Variants in CHRNG observed in about 807,000 individuals in gnomAD.
CHRNG encodes acetylcholine receptor subunit gamma.
CHRNG carries 72 observed loss-of-function variants against 65.2 expected under a neutral mutation model. That is an observed-to-expected ratio of 1.10 (90% CI 0.91 to 1.34). The LOEUF (loss-of-function observed/expected upper bound fraction) is 1.34, where lower values mean the gene tolerates loss of function less well. CHRNG is among the 40% of genes most tolerant of loss of function. CHRNG has a pLI of 0.00. For synonymous variants in CHRNG, 284 were observed against 290.2 expected, an observed-to-expected ratio of 0.98 and a Z score of 0.22; for missense variants, 637 against 680.1, an observed-to-expected ratio of 0.94 and a Z score of 0.70.
rs2106220017 is a variant in CHRNG, at chr2:232,540,365, A to G, written c.196-16A>G. The G allele has an allele frequency of 6.2e-7, 1 of 1,613,642 alleles. No individual in the cohort carries two copies. The highest frequency in any genetic ancestry group is 1.1e-5 in the South Asian group (1 of 91,052). On this transcript the variant is annotated splice_polypyrimidine_tract_variant and intron_variant, in intron 2 of 11. Transcript: ENST00000651502. This position sits in a 1 kb window ranked among gnomAD's most constrained non-coding sequence, Gnocchi z 4.2. ...TCGGGGGCTGAGCCCTCCATACTACACCCTTGCACCCCCAGAACGAGCGAG... is the reference window on the plus strand; with the variant it reads ...TCGGGGGCTGAGCCCTCCATACTACGCCCTTGCACCCCCAGAACGAGCGAG...
Position 232,546,060 on chromosome 2 carries a change from T to C in CHRNG, c.*344T>C. On this transcript the variant is annotated 3_prime_UTR_variant, in exon 12 of 12. Transcript: ENST00000651502. ...AAGCCCGAAGGACTGTTTTGTATAATACCTTCGGACTTGGGACTGGCTCCC... is the reference window on the plus strand; with the variant it reads ...AAGCCCGAAGGACTGTTTTGTATAACACCTTCGGACTTGGGACTGGCTCCC... 1 of 393,400 alleles carries C rather than the reference T, an allele frequency of 2.5e-6. No homozygotes were observed. Among genetic ancestry groups the C allele is most frequent in the Non-Finnish European group, 4.9e-6 (1 of 205,716 alleles). 24.4% of individuals were successfully genotyped at this position (393,400 alleles called of 1,614,324 possible).
intron 6 of CHRNG, 143 bp downstream of exon 6, chr2:232,542,663 A>G: frequency 1.3e-6 from 1 of 742,112 alleles, no homozygotes; most frequent in East Asian, 2.7e-5. Context: ...ATGCTTTTTA[A>G]AACGTCCAAC....
chr2:232,541,222 T>C lies in CHRNG; in HGVS notation c.351-152T>C, dbSNP rs1215511102. The stretch of plus-strand genomic sequence containing the variant: ...CAGGAGGATTGCTGGGGGGACCTAG[T>C]GGTCCGGGTGGGAACCAGTCAGGGG... On this transcript the variant is annotated intron_variant, in intron 4 of 11. Transcript: ENST00000651502. This position sits in a 1 kb window ranked among gnomAD's most constrained non-coding sequence, Gnocchi z 4.0. The C allele has an allele frequency of 1.1e-6, 1 of 874,378 alleles. No individual in the cohort carries two copies. Among genetic ancestry groups the C allele is most frequent in the Non-Finnish European group, 1.8e-6 (1 of 546,268 alleles). 54.2% of individuals were successfully genotyped at this position (874,378 alleles called of 1,614,324 possible).
intron 9 of CHRNG, 103 bp from the exon 10 acceptor site, chr2:232,544,264 A>G: frequency 1.1e-6 from 1 of 892,746 alleles, no homozygotes; most frequent in South Asian, 1.3e-5. Context: ...CTGCCCCGGT[A>G]TGCTGCCTCC....
Position 232,541,593 on chromosome 2 carries a change from G to A in CHRNG, c.506+64G>A. 6.3e-7 allele frequency: 1 copy of A among 1,590,900 alleles called. No homozygotes were observed. The highest frequency in any genetic ancestry group is 1.3e-5 in the African/African-American group (1 of 74,752). On this transcript the variant is annotated intron_variant, in intron 5 of 11. Transcript: ENST00000651502. The surrounding 1 kb of genome is among the most constrained non-coding windows in gnomAD (Gnocchi z 4.0). The stretch of plus-strand genomic sequence containing the variant: ...TCAGAGGGGCCTGGGCAGTGGTGGG[G>A]TAAGGCCTGGGCAAGGCTTCTGGCC...
rs1165731321 is a variant in CHRNG at position 232,540,204 on chromosome 2, C to T, written c.195+73C>T. Reference sequence around the variant, plus strand: ...TGCTGGGGATAGCATGGGGTGGCTCCAGCCACCAAGAGGTTGGAGGGCCCT... The same window carrying T: ...TGCTGGGGATAGCATGGGGTGGCTCTAGCCACCAAGAGGTTGGAGGGCCCT... On this transcript the variant is annotated intron_variant, in intron 2 of 11. Coordinates refer to ENST00000651502, the MANE Select transcript of CHRNG (RefSeq NM_005199.5). This position sits in a 1 kb window ranked among gnomAD's most constrained non-coding sequence, Gnocchi z 4.2. 5.6e-6 allele frequency: 9 copies of T among 1,611,958 alleles called. No individual in the cohort carries two copies. The highest frequency in any genetic ancestry group is 7.6e-6 in the Non-Finnish European group (9 of 1,178,432).
rs776450073 is a variant in CHRNG at position 232,543,085 on chromosome 2, A to G, written c.805+3A>G. 1 of 1,613,928 alleles carries G rather than the reference A, an allele frequency of 6.2e-7. No individual in the cohort carries two copies. Among genetic ancestry groups the G allele is most frequent in the Non-Finnish European group, 8.5e-7 (1 of 1,179,832 alleles). On this transcript the variant is annotated splice_donor_region_variant and intron_variant, in intron 7 of 11. Coordinates refer to ENST00000651502, the MANE Select transcript of CHRNG (RefSeq NM_005199.5). ...CATCCACTTCCTTCCTGCCAAGGGT[A>G]CCTGGAGCCTATGGGAAGGAGCCAT...
rs1264374532 is a variant in CHRNG at position 232,540,839 on chromosome 2, G to C, written c.350+128G>C. On this transcript the variant is annotated intron_variant, in intron 4 of 11. Coordinates refer to ENST00000651502, the MANE Select transcript of CHRNG (RefSeq NM_005199.5). This position sits in a 1 kb window ranked among gnomAD's most constrained non-coding sequence, Gnocchi z 4.2. ...CAAATCGGGCACCTGTGGGGCTAGG[G>C]AAGAACTGGATGGAGCAGGTGCCGA... The C allele has an allele frequency of 2.3e-6, 2 of 871,632 alleles. No individual in the cohort carries two copies. The highest frequency in any genetic ancestry group is 3.3e-5 in the African/African-American group (2 of 60,350). 54.0% of individuals were successfully genotyped at this position (871,632 alleles called of 1,614,324 possible). A position where few individuals can be genotyped will look rare whatever the true frequency, so the allele number is the denominator to read the frequency against.
Position 232,543,288 on chromosome 2 carries a change from G to A in CHRNG, c.819G>A (p.Lys273=), listed in dbSNP as rs763707620. Residue 273 remains lysine (K), a synonymous_variant, in exon 8 of 12, where the codon AAG becomes AAA. Transcript: ENST00000651502. ...GGTCATGGATAGCTGGGGGCCAGAAGTGTACCGTCGCCATCAACGTGCTCC... is the reference window on the plus strand; with the variant it reads ...GGTCATGGATAGCTGGGGGCCAGAAATGTACCGTCGCCATCAACGTGCTCC... ...HFLPAKAGGQ[K]CTVAINVLLA... 9 of 1,613,912 alleles carry A rather than the reference G, an allele frequency of 5.6e-6. No individual in the cohort carries two copies. The Admixed American group carries it at 8.3e-5, about 15-fold the overall frequency.
rs907928384 is a variant in CHRNG, at chr2:232,542,692, A to G, written c.604+172A>G. ...GTCCAACAAAGCTCTGACTTTCCTCATGATAATGTCTCCAATTTTAGAAGA... is the reference window on the plus strand; with the variant it reads ...GTCCAACAAAGCTCTGACTTTCCTCGTGATAATGTCTCCAATTTTAGAAGA... On this transcript the variant is annotated intron_variant, in intron 6 of 11. Transcript: ENST00000651502. Among the ~76,000 whole-genome samples the G allele has an allele frequency of 9.9e-5, 15 of 152,062 alleles. 1 individual carries two copies. Among genetic ancestry groups the G allele is most frequent in the African/African-American group, 3.6e-4 (15 of 41,310 alleles).
chr2:232,541,381 G>A lies in CHRNG; in HGVS notation c.358G>A (p.Gly120Ser), dbSNP rs755562229. 1.3e-5 allele frequency: 21 copies of A among 1,613,948 alleles called. No homozygotes were observed. Among genetic ancestry groups the A allele is most frequent in the African/African-American group, 5.3e-5 (4 of 74,892 alleles). The change falls in exon 5 of 12, where the codon GGT becomes AGT. Residue 120 changes from glycine (G) to serine (S), a missense_variant. Physicochemically the swap from Gly to Ser is moderately conservative, Grantham distance 56. Transcript: ENST00000651502. The surrounding 1 kb of genome is among the most constrained non-coding windows in gnomAD (Gnocchi z 4.0). The stretch of plus-strand genomic sequence containing the variant: ...CCTGTTCTGTGCATACAGCGTGGAC[G>A]GTGTCTTCGAGGTGGCCCTCTACTG... ...PDIVLENNVD[G>S]VFEVALYCNV...
In CHRNG at chr2:232,543,159, G is replaced by T; in HGVS notation, c.805+77G>T. The T allele has an allele frequency of 4.5e-6, 7 of 1,540,254 alleles. No homozygotes were observed. The South Asian group carries it at 5.6e-5, about 12-fold the overall frequency. Reference sequence around the variant, plus strand: ...GAGGCCGGGGTGGGCCCTGCCTGGGGAACAGAGTGGCATTACGACCCAGGA... The same window carrying T: ...GAGGCCGGGGTGGGCCCTGCCTGGGTAACAGAGTGGCATTACGACCCAGGA... On this transcript the variant is annotated intron_variant, in intron 7 of 11. Transcript: ENST00000651502.
intron 11 of CHRNG, 90 bp from the exon 12 acceptor site, chr2:232,545,453 T>C (rs1475108310): frequency 8.4e-7 from 1 of 1,183,966 alleles, no homozygotes; most frequent in African/African-American, 1.5e-5. Context: ...AATGGAGACA[T>C]GGGCCTGCTG....
chr2:232,544,556 G>A lies in CHRNG; in HGVS notation c.1225G>A (p.Val409Met), dbSNP rs1418092198. The change falls in exon 10 of 12, where the codon GTG (valine) becomes ATG (methionine). Residue 409 changes from valine (V) to methionine (M), a missense_variant. Val to Met is a conservative substitution (Grantham distance 21). Coordinates refer to ENST00000651502, the MANE Select transcript of CHRNG (RefSeq NM_005199.5). ...LFQQWQRQGL[V>M]AAALEKLEKG... Reference sequence around the variant, plus strand: ...CCAGCAGTGGCAGCGGCAAGGGCTGGTGGCGGCAGCGCTGGAGAAGCTAGG... The same window carrying A: ...CCAGCAGTGGCAGCGGCAAGGGCTGATGGCGGCAGCGCTGGAGAAGCTAGG... 4 of 1,613,526 alleles carry A rather than the reference G, an allele frequency of 2.5e-6. No individual in the cohort carries two copies. The Admixed American group carries it at 6.7e-5, about 27-fold the overall frequency.
rs1400497098 is a variant in CHRNG at position 232,540,596 on chromosome 2, CT to C, written c.241-5del. The C allele has an allele frequency of 2.5e-6, 4 of 1,610,616 alleles. No individual in the cohort carries two copies. Among genetic ancestry groups the C allele is most frequent in the South Asian group, 2.2e-5 (2 of 91,000 alleles). On this transcript the variant is annotated splice_region_variant and splice_polypyrimidine_tract_variant and intron_variant, in intron 3 of 11. Coordinates refer to ENST00000651502, the MANE Select transcript of CHRNG (RefSeq NM_005199.5). This position sits in a 1 kb window ranked among gnomAD's most constrained non-coding sequence, Gnocchi z 4.2. The stretch of plus-strand genomic sequence containing the variant: ...AGAGGCCTAGCAACTGCCCCTCCCC[CT>C]GCAGCAGTGGTGCGACTATCGCCTG...
At chr2:232,543,229 T>C in intron 7 of CHRNG, 46 bp from the exon 8 acceptor site, 2 of 1,554,750 alleles carry the variant, frequency 1.3e-6, no homozygotes, top group South Asian at 1.1e-5. Context: ...CCTCTGTGGG[T>C]GGGGGAGGTA....
chr2:232,543,123 G>C (rs1279950889), intron 7 of CHRNG, 41 bp downstream of exon 7: 1 of 1,597,358 alleles, frequency 6.3e-7, no homozygotes, highest in Non-Finnish European at 8.6e-7. Context: ...AGTAGCACAG[G>C]GGACACCTGG....
rs374320160 is a variant in CHRNG at position 232,540,403 on chromosome 2, C to T, written c.218C>T (p.Thr73Ile). The T allele has an allele frequency of 6.2e-6, 10 of 1,613,976 alleles. No homozygotes were observed. Among genetic ancestry groups the T allele is most frequent in the Non-Finnish European group, 8.5e-6 (10 of 1,179,994 alleles). ...CAGAACGAGCGAGAGGAAGCCCTCA[C>T]CACCAATGTCTGGATAGAGATGGTA... is the stretch of plus-strand genomic sequence containing the variant. Reference protein sequence around the residue: ...ISLNEREEALTTNVWIEMQWC... With the variant: ...ISLNEREEALITNVWIEMQWC... Residue 73 changes from threonine to isoleucine, a missense_variant, in exon 3 of 12, where the codon ACC becomes ATC. By Grantham distance (89) the Thr-to-Ile change is moderately conservative. Transcript: ENST00000651502. This position sits in a 1 kb window ranked among gnomAD's most constrained non-coding sequence, Gnocchi z 4.2.
intron 6 of CHRNG, 114 bp from the exon 7 acceptor site, chr2:232,542,768 C>A: frequency 7.5e-6 from 7 of 927,702 alleles, no homozygotes; most frequent in Non-Finnish European, 1.2e-5. Flanking sequence ...AGGGTGCCTC[C>A]CCTGCTGGTG....
Sources: gnomAD v4.1 joint callset for allele counts (sites outside exome capture counted in the v4.1 genomes callset) on GRCh38, gnomAD v4.1.1 for gene constraint, Gnocchi (gnomAD v3.1) non-coding constraint, MANE v1.5 for transcripts, NCBI Gene and HGNC (gene_info 2026-07-23, HGNC 2026-07-21) for gene names.